NKTR: variants seen among roughly 807,000 people sequenced by gnomAD.
NKTR encodes the protein natural killer cell triggering receptor, also known as NK-tumor recognition protein.
A neutral mutation model predicts 156.3 loss-of-function variants in NKTR; 67 were observed. That is an observed-to-expected ratio of 0.43 (90% CI 0.35 to 0.53). The LOEUF (loss-of-function observed/expected upper bound fraction) is 0.53. Among genes scored for constraint, NKTR ranks in the 20% least tolerant of loss-of-function variants. The pLI, the probability that NKTR is intolerant of heterozygous loss-of-function variation, is 0.01. For synonymous variants in NKTR, 640 were observed against 596.6 expected (o/e 1.07, Z -1.06); for missense variants, 1,604 against 1,730.9 (o/e 0.93, Z 1.30).
intron 6 of NKTR, chr3:42,627,918 G>A (rs1708545355): frequency 1.0e-6 from 1 of 985,252 alleles, no homozygotes; most frequent in African/African-American, 1.7e-5. Context: ...AAGATTAAGA[G>A]TTAGTGAGAT....
intron 2 of NKTR, 78 bp downstream of exon 2, chr3:42,601,142 T>TC (rs57577390): frequency 0.13 from 163,008 of 1,209,840 alleles, 13,255 homozygotes; most frequent in African/African-American, 0.29. Flanking sequence ...TCAGCAACCC[T>TC]CCCCCGGCCT....
At position 42,637,192 on chromosome 3, in the gene NKTR, A is replaced by G. The variant is rs2125817349; in HGVS notation, c.1488A>G (p.Ser496=). The G allele has an allele frequency of 6.2e-7, 1 of 1,612,506 alleles. No individual in the cohort carries two copies. Among genetic ancestry groups the G allele is most frequent in the Admixed American group, 1.7e-5 (1 of 59,664 alleles). The part of the protein sequence containing the change: ...RSSSLSSHHS[S]KRDWSKSDKD... ...CCTCATTGTCATCTCATCACTCATC[A>G]AAGAGAGACTGGTCTAAATCTGATA... The change falls in exon 13 of 17, where the codon TCA becomes TCG. Residue 496 remains serine (S), a synonymous_variant. Transcript: ENST00000232978.
At chr3:42,609,152 C>T (rs921140805) in intron 2 of NKTR, among the ~76,000 whole-genome samples, 2 of 149,314 alleles carry the variant, frequency 1.3e-5, no homozygotes, top group African/African-American at 5.0e-5. Flanking sequence ...GAAGAAAGAT[C>T]AAATAGAACA....
intron 5 of NKTR, chr3:42,620,085 C>G: frequency 1.3e-6 from 2 of 1,528,194 alleles, no homozygotes; most frequent in Non-Finnish European, 1.8e-6. Context: ...CAATTCTGTT[C>G]CCTTGCACCC....
At chr3:42,630,881 A>G in intron 7 of NKTR, 1 of 1,365,516 alleles carries the variant, frequency 7.3e-7, no homozygotes, top group Non-Finnish European at 9.4e-7. Flanking sequence ...GTGTCCCTGT[A>G]AGGAAGGTTC....
intron 2 of NKTR, among the ~76,000 whole-genome samples, chr3:42,605,562 A>G (rs1706150248): frequency 6.6e-6 from 1 of 152,210 alleles, no homozygotes; most frequent in Admixed American, 6.5e-5. Flanking sequence ...TTTGTTCTTA[A>G]TTTGGTTCCA....
At chr3:42,601,101 G>A (rs1447192436) in intron 2 of NKTR, 37 bp downstream of exon 2, 1 of 1,515,698 alleles carries the variant, frequency 6.6e-7, no homozygotes, top group African/African-American at 1.4e-5. Context: ...TGGGGCCGAG[G>A]CCTGCCTTGG....
chr3:42,608,901 A>G (rs627664), intron 2 of NKTR, among the ~76,000 whole-genome samples: 68,806 of 152,018 alleles, frequency 0.45, 17,806 homozygotes, highest in African/African-American at 0.71. Flanking sequence ...CGAGGCAGGC[A>G]GATCACTTGA....
intron 2 of NKTR, among the ~76,000 whole-genome samples, chr3:42,606,478 A>AC (rs1470213901): frequency 6.6e-6 from 1 of 152,018 alleles, no homozygotes; most frequent in Admixed American, 6.6e-5. Context: ...GTGCAGGTAG[A>AC]CCTTTGATTT....
rs2125818437 is a variant in NKTR at position 42,637,838 on chromosome 3, C to G, written c.2134C>G (p.Leu712Val). The G allele has an allele frequency of 6.2e-7, 1 of 1,613,820 alleles. No individual in the cohort carries two copies. The highest frequency in any genetic ancestry group is 8.5e-7 in the Non-Finnish European group (1 of 1,179,810). The change falls in exon 13 of 17, where the codon CTA becomes GTA. Residue 712 changes from leucine (L) to valine (V), a missense_variant. Physicochemically the swap from Leu to Val is conservative, Grantham distance 32 (BLOSUM62 1). Around this residue, in one of 6 missense-constraint regions of NKTR, gnomAD observed 1,255 missense variants for 1,243.7 expected, o/e 1.01. Coordinates refer to ENST00000232978, the MANE Select transcript of NKTR (RefSeq NM_005385.4). ...YSRSYTRSRS[L>V]ASSHSRSRSP... ...CAGATCATATACAAGATCACGTAGT[C>G]TAGCTAGTTCACATTCAAGGTCTAG...
chr3:42,627,111 A>G (rs552866509), intron 6 of NKTR: 2 of 844,414 alleles, frequency 2.4e-6, no homozygotes, highest in East Asian at 1.2e-4. Flanking sequence ...ATTAATTTCA[A>G]AGTTATATTG....
Position 42,647,508 on chromosome 3 carries a change from G to A in NKTR, c.*1533G>A, listed in dbSNP as rs181120458. On this transcript the variant is annotated 3_prime_UTR_variant, in exon 17 of 17. Transcript: ENST00000232978. Reference sequence around the variant, plus strand: ...GGGAGCTGACAACCCTTGGTGGAGGGAGGGTGCCCTTGAATGTATTAAAAC... The same window carrying A: ...GGGAGCTGACAACCCTTGGTGGAGGAAGGGTGCCCTTGAATGTATTAAAAC... 1.4e-4 allele frequency: 21 copies of A among 152,148 alleles called. No individual in the cohort carries two copies. Among genetic ancestry groups the A allele is most frequent in the African/African-American group, 4.8e-4 (20 of 41,478 alleles). The allele number at this position is 152,148 out of a possible 1,614,324, so 9.4% of individuals were successfully genotyped here. A position where few individuals can be genotyped will look rare whatever the true frequency, so the allele number is the denominator to read the frequency against.
In NKTR at chr3:42,637,029, G is replaced by T. The variant is rs762846589; in HGVS notation, c.1325G>T (p.Gly442Val). 6.2e-7 allele frequency: 1 copy of T among 1,611,448 alleles called. No homozygotes were observed. Among genetic ancestry groups the T allele is most frequent in the Non-Finnish European group, 8.5e-7 (1 of 1,179,418 alleles). Residue 442 changes from glycine to valine, a missense_variant, in exon 13 of 17, where the codon GGG becomes GTG. Gly to Val is a moderately radical substitution (Grantham distance 109). Coordinates refer to ENST00000232978, the MANE Select transcript of NKTR (RefSeq NM_005385.4). ...KEKKVKHKKK[G>V]KKQKHCRRHK... is the part of the protein sequence containing the mutation. ...AAAAAGGTTAAGCATAAAAAGAAAG[G>T]GAAAAAGCAGAAACACTGCAGAAGA...
At chr3:42,600,885 G>T in intron 1 of NKTR, 99 bp from the exon 2 acceptor site, 1 of 696,066 alleles carries the variant, frequency 1.4e-6, no homozygotes, top group South Asian at 2.7e-5. Context: ...GCCGGCGTGA[G>T]GCACCGTGGC....
chr3:42,633,054 T>A, intron 9 of NKTR: 1 of 1,197,418 alleles, frequency 8.4e-7, no homozygotes, highest in Non-Finnish European at 1.0e-6. Flanking sequence ...AACTCTTTTT[T>A]TAAGAGATAG....
chr3:42,632,134 A>G (rs904897074), intron 8 of NKTR, among the ~76,000 whole-genome samples: 2 of 130,672 alleles, frequency 1.5e-5, no homozygotes, highest in African/African-American at 3.0e-5. Flanking sequence ...CAGTGGCACT[A>G]TCTCGGCTCA....
intron 13 of NKTR, 138 bp downstream of exon 13, chr3:42,639,888 G>C: frequency 2.7e-6 from 2 of 735,692 alleles, no homozygotes; most frequent in Non-Finnish European, 4.4e-6. Context: ...GTGTGATTCA[G>C]AGAGTAGATT....
intron 2 of NKTR, 122 bp downstream of exon 2, chr3:42,601,186 C>A (rs1705401138): frequency 1.4e-6 from 1 of 732,302 alleles, no homozygotes; most frequent in African/African-American, 1.9e-5. Flanking sequence ...AGGCAACTTT[C>A]CGTTTTCTCT....
intron 13 of NKTR, 113 bp downstream of exon 13, chr3:42,639,863 A>T: frequency 1.2e-6 from 1 of 829,292 alleles, no homozygotes; most frequent in Non-Finnish European, 1.9e-6. Context: ...TGAAAGGAAT[A>T]AGAAGTCTTG....
Sources: gnomAD v4.1 joint callset for allele counts (sites outside exome capture counted in the v4.1 genomes callset) on GRCh38, gnomAD v4.1.1 for gene constraint, gnomAD v4.1.1 regional missense constraint, MANE v1.5 for transcripts, NCBI Gene and HGNC (gene_info 2026-07-23, HGNC 2026-07-21) for gene names.